ALK: variants seen among roughly 807,000 people sequenced by gnomAD.
ALK encodes ALK receptor tyrosine kinase, also known as ALK tyrosine kinase receptor.
Under a neutral mutation model 163.1 loss-of-function variants are expected in ALK, and 74 were observed. That is an observed-to-expected ratio of 0.45 (90% CI 0.38 to 0.55). The LOEUF (loss-of-function observed/expected upper bound fraction) is 0.55, where lower values mean the gene tolerates loss of function less well. Among genes scored for constraint, ALK ranks in the 20% least tolerant of loss-of-function variants. The pLI is 0.00. For missense variants in ALK, 2,063 were observed against 2,105.3 expected (o/e 0.98, Z 0.39); for synonymous variants, 960 against 843.2 (o/e 1.14, Z -2.40).
chr2:29,790,593 T>A (rs896912217), intron 1 of ALK, among the ~76,000 whole-genome samples: 1 of 152,144 alleles, frequency 6.6e-6, no homozygotes, highest in Non-Finnish European at 1.5e-5. Context: ...ACACACAAAA[T>A]CTTTCTTTGA....
In ALK at chr2:29,193,176, C is replaced by G. The variant is rs764586398; in HGVS notation, c.*48G>C. The G allele has an allele frequency of 3.1e-6, 5 of 1,591,632 alleles. No homozygotes were observed. The highest frequency in any genetic ancestry group is 4.3e-6 in the Non-Finnish European group (5 of 1,162,552). On this transcript the variant is annotated 3_prime_UTR_variant, in exon 29 of 29. Coordinates refer to ENST00000389048, the MANE Select transcript of ALK (RefSeq NM_004304.5). ...GAAGGAGCCATTGCCTCTCTCTCCTCCACGGTCTTAGGGATCCCAAGGAAG... is the reference window on the plus strand; with the variant it reads ...GAAGGAGCCATTGCCTCTCTCTCCTGCACGGTCTTAGGGATCCCAAGGAAG...
At position 29,229,092 on chromosome 2, in the gene ALK, G is replaced by A. The variant is rs1285514337; in HGVS notation, c.2633-26C>T. The stretch of plus-strand genomic sequence containing the variant: ...CTGCGGGAAGAGATAGGGAACCTGC[G>A]TGAGGATGCTGGCAAGGTTCAATTA... On this transcript the variant is annotated intron_variant, in intron 15 of 28. Transcript: ENST00000389048. 8 of 1,608,876 alleles carry A rather than the reference G, an allele frequency of 5.0e-6. No individual in the cohort carries two copies. The East Asian group carries it at 8.9e-5, about 18-fold the overall frequency.
intron 5 of ALK, among the ~76,000 whole-genome samples, chr2:29,352,263 C>T (rs1573269868): frequency 6.6e-6 from 1 of 152,344 alleles, no homozygotes; most frequent in East Asian, 1.9e-4. Context: ...TCAGGAGTGG[C>T]ATAGATTTAT....
chr2:29,739,911 C>T (rs111324631), intron 1 of ALK, among the ~76,000 whole-genome samples: 22 of 152,162 alleles, frequency 1.4e-4, no homozygotes, highest in African/African-American at 5.3e-4. Flanking sequence ...ATCATGTGTG[C>T]CAGGCACTAA....
intron 1 of ALK, among the ~76,000 whole-genome samples, chr2:29,771,399 T>C (rs1255003527): frequency 6.6e-6 from 1 of 152,214 alleles, no homozygotes; most frequent in Non-Finnish European, 1.5e-5. Context: ...CAGAGAAAGA[T>C]AAAACATACC....
At chr2:29,354,362 A>C (rs1055911658) in intron 5 of ALK, among the ~76,000 whole-genome samples, 15 of 152,212 alleles carry the variant, frequency 9.9e-5, no homozygotes, top group Non-Finnish European at 1.5e-4. Flanking sequence ...CTCAAAAGCC[A>C]GATCTGGGCC....
intron 1 of ALK, among the ~76,000 whole-genome samples, chr2:29,844,346 T>C (rs1409840106): frequency 6.6e-6 from 1 of 152,158 alleles, no homozygotes; most frequent in African/African-American, 2.4e-5. Context: ...GGGGAGCAGG[T>C]GCAGATCATG....
intron 13 of ALK, among the ~76,000 whole-genome samples, chr2:29,236,911 A>G (rs1437312972): frequency 6.6e-6 from 1 of 152,098 alleles, no homozygotes; most frequent in East Asian, 1.9e-4. Flanking sequence ...CCTGTCTCCC[A>G]TCGTCCACCT....
intron 1 of ALK, among the ~76,000 whole-genome samples, chr2:29,737,103 A>T (rs1679913820): frequency 6.6e-6 from 1 of 152,112 alleles, no homozygotes; most frequent in Non-Finnish European, 1.5e-5. Flanking sequence ...TTATGTGTTG[A>T]TGTAGAAGTA....
chr2:29,307,293 CA>C (rs1299146251), intron 8 of ALK, among the ~76,000 whole-genome samples: 2 of 152,200 alleles, frequency 1.3e-5, no homozygotes, highest in Non-Finnish European at 2.9e-5. Flanking sequence ...TCTGACGGGG[CA>C]GGTGCTATCT....
chr2:29,279,714 T>G (rs2148218345), intron 9 of ALK, among the ~76,000 whole-genome samples: 1 of 152,326 alleles, frequency 6.6e-6, no homozygotes, highest in African/African-American at 2.4e-5. Flanking sequence ...GTCTCCTTGC[T>G]GGAGATGGGA....
intron 3 of ALK, among the ~76,000 whole-genome samples, chr2:29,569,136 T>C (rs1454941404): frequency 2.0e-5 from 3 of 152,090 alleles, no homozygotes; most frequent in Admixed American, 6.5e-5. Flanking sequence ...ACTGTTAACT[T>C]GAACCTGCCT....
chr2:29,694,654 G>T (rs532079876), intron 3 of ALK, among the ~76,000 whole-genome samples, 196 bp downstream of exon 3: 1 of 152,306 alleles, frequency 6.6e-6, no homozygotes, highest in East Asian at 1.9e-4. Context: ...TAAAGGTTTG[G>T]GCTGATCTTG....
At chr2:29,803,506 G>A (rs1343712094) in intron 1 of ALK, among the ~76,000 whole-genome samples, 1 of 152,130 alleles carries the variant, frequency 6.6e-6, no homozygotes, top group Non-Finnish European at 1.5e-5. Context: ...TGAATAGAGG[G>A]GTTTAGCCAT....
chr2:29,905,611 G>A (rs12464783), intron 1 of ALK, among the ~76,000 whole-genome samples: 75,199 of 150,538 alleles, frequency 0.5, 21,337 homozygotes, highest in Non-Finnish European at 0.63. Flanking sequence ...AAGAAGGAAG[G>A]GAGGAAGGAA....
intron 3 of ALK, among the ~76,000 whole-genome samples, chr2:29,623,212 A>G (rs1191818367): frequency 6.6e-6 from 1 of 152,228 alleles, no homozygotes; most frequent in Non-Finnish European, 1.5e-5. Context: ...CTGGGAATCT[A>G]GCCTAAGGAA....
At chr2:29,267,484 T>C (rs866652036) in intron 11 of ALK, among the ~76,000 whole-genome samples, 1 of 152,150 alleles carries the variant, frequency 6.6e-6, no homozygotes, top group African/African-American at 2.4e-5. Context: ...GCACAGCTGG[T>C]ACACACTTTG....
intron 1 of ALK, among the ~76,000 whole-genome samples, chr2:29,840,942 T>C (rs534825342): frequency 2.0e-5 from 3 of 152,208 alleles, no homozygotes; most frequent in African/African-American, 7.2e-5. Context: ...ATACGGCTAC[T>C]GTTATCTTTT....
chr2:29,704,168 T>G (rs1678830668), intron 2 of ALK, among the ~76,000 whole-genome samples: 1 of 152,210 alleles, frequency 6.6e-6, no homozygotes, highest in African/African-American at 2.4e-5. Flanking sequence ...TTTAGAGAGA[T>G]CTACACGTAA....
Sources: allele counts gnomAD v4.1 joint callset (sites outside exome capture counted in the v4.1 genomes callset), GRCh38; gene constraint gnomAD v4.1.1; transcripts MANE v1.5; gene names NCBI Gene and HGNC (gene_info 2026-07-23, HGNC 2026-07-21).